PSMF1: variants seen among roughly 807,000 people sequenced by gnomAD.
The protein encoded by PSMF1 is proteasome inhibitor subunit 1.
Under a neutral mutation model 29.3 loss-of-function variants are expected in PSMF1, and 30 were observed. That is an observed-to-expected ratio of 1.02 (90% CI 0.77 to 1.39). The LOEUF is 1.39. Among genes scored for constraint, PSMF1 ranks in the 40% most tolerant of loss-of-function variants. The probability of loss-of-function intolerance (pLI) is 0.00; values close to 1 mark genes in which losing one functional copy is unlikely to be tolerated. For synonymous variants in PSMF1, 134 were observed against 139.7 expected, an observed-to-expected ratio of 0.96 and a Z score of 0.29; for missense variants, 344 against 357.5, an observed-to-expected ratio of 0.96 and a Z score of 0.31.
chr20:1,164,569 G>C lies in PSMF1; in HGVS notation c.764+93G>C, dbSNP rs2086706020. On this transcript the variant is annotated intron_variant, in intron 6 of 6. Transcript: ENST00000335877. This position sits in a 1 kb window ranked among gnomAD's most constrained non-coding sequence, Gnocchi z 4.1. The stretch of plus-strand genomic sequence containing the variant: ...GAAGGTTTCTAGCCCCAGGCACAGA[G>C]CTGCCGCTGCCTTCACCTGTTGCTG... The C allele has an allele frequency of 3.3e-6, 5 of 1,500,242 alleles. No individual in the cohort carries two copies. In the Admixed American group the frequency reaches 7.0e-5, roughly 21 times the overall value. 92.9% of individuals were successfully genotyped at this position (1,500,242 alleles called of 1,614,324 possible). A position where few individuals can be genotyped will look rare whatever the true frequency, so the allele number is the denominator to read the frequency against.
chr20:1,121,544 G>A lies in PSMF1; in HGVS notation c.129+2642G>A, dbSNP rs546460698. On this transcript the variant is annotated intron_variant, in intron 1 of 6. Coordinates refer to ENST00000335877, the MANE Select transcript of PSMF1 (RefSeq NM_006814.5). ...AAGAGGTTTAATTTTTCAGCCTGGG[G>A]CCAGCCAACTCAGCTGACTCAATTG... Among the ~76,000 whole-genome samples the A allele has an allele frequency of 3.3e-5, 5 of 152,180 alleles. No homozygotes were observed. In the East Asian group the frequency reaches 9.6e-4, roughly 29 times the overall value.
At position 1,166,481 on chromosome 20, in the gene PSMF1, C is replaced by T. The variant is rs1264839869; in HGVS notation, c.*1401C>T. 11 of 580,464 alleles carry T rather than the reference C, an allele frequency of 1.9e-5. No homozygotes were observed. Among genetic ancestry groups the T allele is most frequent in the African/African-American group, 1.9e-4 (10 of 53,444 alleles). 36.0% of individuals were successfully genotyped at this position (580,464 alleles called of 1,614,324 possible). A position where few individuals can be genotyped will look rare whatever the true frequency, so the allele number is the denominator to read the frequency against. ...GTATCTGCCAGGCTGTTTTCTGTAG[C>T]CTCAGATTGCCTATCTGCTTAGCCT... On this transcript the variant is annotated 3_prime_UTR_variant, in exon 7 of 7. Transcript: ENST00000335877.
At chr20:1,134,966 G>A in intron 3 of PSMF1, 155 bp from the exon 4 acceptor site, 3 of 754,458 alleles carry the variant, frequency 4.0e-6, no homozygotes, top group South Asian at 2.9e-5. Context: ...CCTCACCCAG[G>A]TCCAGCAGGC....
intron 4 of PSMF1, among the ~76,000 whole-genome samples, chr20:1,148,078 A>G (rs1600162820): frequency 6.6e-6 from 1 of 152,140 alleles, no homozygotes; most frequent in South Asian, 2.1e-4. Context: ...TTCCAAATAC[A>G]AACTAAAGTT....
chr20:1,121,709 G>T (rs1318947202), intron 1 of PSMF1, among the ~76,000 whole-genome samples: 1 of 152,188 alleles, frequency 6.6e-6, no homozygotes, highest in African/African-American at 2.4e-5. Flanking sequence ...TGGAAAGCTA[G>T]ATTGTCTGCT....
At position 1,166,182 on chromosome 20, in the gene PSMF1, T is replaced by C. The variant is rs752651695; in HGVS notation, c.*1102T>C. 1 of 1,609,746 alleles carries C rather than the reference T, an allele frequency of 6.2e-7. No homozygotes were observed. Among genetic ancestry groups the C allele is most frequent in the South Asian group, 1.1e-5 (1 of 90,154 alleles). ...GAGGAGCAGGGAGCCCTGCACCTTG[T>C]GTCCTGGCCCACCTGACCTTTGGTG... On this transcript the variant is annotated 3_prime_UTR_variant, in exon 7 of 7. Coordinates refer to ENST00000335877, the MANE Select transcript of PSMF1 (RefSeq NM_006814.5).
intron 1 of PSMF1, among the ~76,000 whole-genome samples, chr20:1,125,229 T>C (rs557808170): frequency 6.6e-6 from 1 of 152,264 alleles, no homozygotes; most frequent in East Asian, 1.9e-4. Context: ...AAGAGATAAT[T>C]ATTAAACCAA....
At chr20:1,138,484 C>T (rs2086336973) in intron 4 of PSMF1, among the ~76,000 whole-genome samples, 1 of 144,554 alleles carries the variant, frequency 6.9e-6, no homozygotes, top group African/African-American at 2.6e-5. Context: ...GATGGCGCCA[C>T]TGCACTCCAG....
rs888313956 is a variant in PSMF1, at chr20:1,127,585, T to G, written c.365+77T>G. The G allele has an allele frequency of 6.4e-5, 77 of 1,210,106 alleles. No homozygotes were observed. In the Admixed American group the frequency reaches 1.4e-3, roughly 22 times the overall value. 75.0% of individuals were successfully genotyped at this position (1,210,106 alleles called of 1,614,324 possible). A position where few individuals can be genotyped will look rare whatever the true frequency, so the allele number is the denominator to read the frequency against. On this transcript the variant is annotated intron_variant, in intron 3 of 6. Coordinates refer to ENST00000335877, the MANE Select transcript of PSMF1 (RefSeq NM_006814.5). The stretch of plus-strand genomic sequence containing the variant: ...CAAGATATGAGGAATAGGGTGGATG[T>G]GTCCAGAAAATTAAGGAAGGTGAAT...
Position 1,170,807 on chromosome 20 carries a change from G to A in PSMF1, c.*5727G>A, listed in dbSNP as rs1264680326. On this transcript the variant is annotated 3_prime_UTR_variant, in exon 7 of 7. Transcript: ENST00000335877. ...ATGGGTAGATAAGGGTGGGACTCAA[G>A]GACAAGAGAGGAACCTTGGAATATC... 6.6e-6 allele frequency among the ~76,000 whole-genome samples: 1 copy of A among 152,032 alleles called. No individual in the cohort carries two copies. Among genetic ancestry groups the A allele is most frequent in the Non-Finnish European group, 1.5e-5 (1 of 67,988 alleles).
intron 4 of PSMF1, among the ~76,000 whole-genome samples, chr20:1,135,561 G>A (rs933035375): frequency 2.6e-5 from 4 of 152,218 alleles, no homozygotes; most frequent in African/African-American, 9.6e-5. Context: ...GAGCCCCTGA[G>A]TCTGTCCAAG....
At chr20:1,157,063 T>C (rs1380915801) in intron 4 of PSMF1, among the ~76,000 whole-genome samples, 1 of 152,128 alleles carries the variant, frequency 6.6e-6, no homozygotes, top group Non-Finnish European at 1.5e-5. Flanking sequence ...ACTGAAGAAC[T>C]TGGAGTCCGA....
intron 4 of PSMF1, among the ~76,000 whole-genome samples, chr20:1,136,150 A>T (rs2086303076): frequency 6.6e-6 from 1 of 152,254 alleles, no homozygotes; most frequent in South Asian, 2.1e-4. Context: ...CTTTACCAAA[A>T]ATATTGAGTC....
upstream of PSMF1, among the ~76,000 whole-genome samples, chr20:1,116,808 C>T (rs997384762): frequency 5.3e-5 from 8 of 150,078 alleles, no homozygotes; most frequent in African/African-American, 1.5e-4. Flanking sequence ...GGATTAAAGA[C>T]GGGAGAAGGT....
upstream of PSMF1, among the ~76,000 whole-genome samples, chr20:1,114,015 G>C (rs879840941): frequency 3.3e-5 from 5 of 152,140 alleles, no homozygotes; most frequent in Non-Finnish European, 7.4e-5. Flanking sequence ...TCTAAGGCAT[G>C]GCTTACCCCC....
Position 1,164,338 on chromosome 20 carries a change from T to G in PSMF1, c.626T>G (p.Ile209Ser). 1 of 1,613,938 alleles carries G rather than the reference T, an allele frequency of 6.2e-7. No individual in the cohort carries two copies. The highest frequency in any genetic ancestry group is 8.5e-7 in the Non-Finnish European group (1 of 1,179,846). The change falls in exon 6 of 7, where the codon ATT becomes AGT. Residue 209 changes from isoleucine (I) to serine (S), a missense_variant. Ile to Ser is a moderately radical substitution (Grantham distance 142, BLOSUM62 -2). Coordinates refer to ENST00000335877, the MANE Select transcript of PSMF1 (RefSeq NM_006814.5). This position sits in a 1 kb window ranked among gnomAD's most constrained non-coding sequence, Gnocchi z 4.1. ...DPFGPRRGGMIVDPLRSGFPR... is the reference protein window; with the variant it reads ...DPFGPRRGGMSVDPLRSGFPR... ...CTCAGGCCTCGGAGAGGTGGCATGA[T>G]TGTGGATCCCCTGAGATCTGGCTTC...
chr20:1,146,189 G>C (rs1209103529), intron 4 of PSMF1, among the ~76,000 whole-genome samples: 1 of 152,156 alleles, frequency 6.6e-6, no homozygotes, highest in Non-Finnish European at 1.5e-5. Context: ...CCTGGGAAAG[G>C]CTACTTGGAA....
chr20:1,118,977 C>T, intron 1 of PSMF1, 75 bp downstream of exon 1: 2 of 1,543,202 alleles, frequency 1.3e-6, no homozygotes, highest in Non-Finnish European at 8.8e-7. Context: ...AGGCCTGGTC[C>T]AGAGCGCCCG....
chr20:1,126,014 A>G (rs534432885), intron 2 of PSMF1: 5 of 459,678 alleles, frequency 1.1e-5, no homozygotes, highest in African/African-American at 4.0e-5. Flanking sequence ...TACATTTCCT[A>G]TGCTGGAAGG....
Sources: allele counts gnomAD v4.1 joint callset (sites outside exome capture counted in the v4.1 genomes callset), GRCh38; gene constraint gnomAD v4.1.1; non-coding constraint Gnocchi (gnomAD v3.1); transcripts MANE v1.5; gene names NCBI Gene and HGNC (gene_info 2026-07-23, HGNC 2026-07-21).